The following TXK variants were observed in gnomAD, a reference collection of about 807,000 sequenced individuals.
TXK encodes tyrosine-protein kinase TXK.
A neutral mutation model predicts 81.0 loss-of-function variants in TXK; 60 were observed. That is an observed-to-expected ratio of 0.74 (90% confidence interval 0.60 to 0.92). The LOEUF is 0.92. Among genes scored for constraint, TXK ranks in the 40% least tolerant of loss-of-function variants. The pLI is 0.00. For missense variants in TXK, 581 were observed against 638.3 expected, an observed-to-expected ratio of 0.91 and a Z score of 0.97; for synonymous variants, 203 against 210.7, an observed-to-expected ratio of 0.96 and a Z score of 0.32.
Position 48,076,390 on chromosome 4 carries a change from C to A in TXK, c.1238+12G>T. 1.9e-6 allele frequency: 3 copies of A among 1,571,092 alleles called. No individual in the cohort carries two copies. The highest frequency in any genetic ancestry group is 2.6e-6 in the Non-Finnish European group (3 of 1,146,600). On this transcript the variant is annotated intron_variant, in intron 12 of 14. Transcript: ENST00000264316. ...AACAAACAAAATACATATATATATA[C>A]ATAGCATGTACCTTGTCATTCCAAA... is the stretch of plus-strand genomic sequence containing the variant.
chr4:48,082,568 G>T (rs1717348916), intron 10 of TXK, among the ~76,000 whole-genome samples: 1 of 152,056 alleles, frequency 6.6e-6, no homozygotes, highest in Non-Finnish European at 1.5e-5. Flanking sequence ...CACTGATATG[G>T]ACAGGAGACA....
intron 1 of TXK, among the ~76,000 whole-genome samples, chr4:48,132,723 A>G (rs1719276723): frequency 1.3e-5 from 2 of 151,924 alleles, no homozygotes; most frequent in African/African-American, 4.8e-5. Context: ...GCTGAGGCAA[A>G]TCACTTGAGG....
chr4:48,097,351 A>G (rs9715217), intron 6 of TXK, among the ~76,000 whole-genome samples: 1 of 152,154 alleles, frequency 6.6e-6, no homozygotes, highest in Non-Finnish European at 1.5e-5. Flanking sequence ...TCAAAATTGA[A>G]TGCAGAAGAG....
chr4:48,130,640 C>T (rs983558276), intron 1 of TXK, among the ~76,000 whole-genome samples: 11 of 152,190 alleles, frequency 7.2e-5, no homozygotes, highest in African/African-American at 1.2e-4. Flanking sequence ...AGGAGGACTG[C>T]CTAAGGGCGT....
chr4:48,111,374 T>C (rs60251898), intron 4 of TXK, among the ~76,000 whole-genome samples: 43,878 of 152,140 alleles, frequency 0.29, 7,496 homozygotes, highest in Admixed American at 0.4. Flanking sequence ...AAATGGATAA[T>C]AGTATTTACT....
chr4:48,082,270 T>C (rs1258458128), intron 10 of TXK, among the ~76,000 whole-genome samples: 3 of 152,212 alleles, frequency 2.0e-5, no homozygotes, highest in Admixed American at 6.5e-5. Flanking sequence ...CAGGCCACGA[T>C]GGGAAGAGGG....
At chr4:48,134,052 C>T in intron 1 of TXK, 103 bp downstream of exon 1, 1 of 1,297,694 alleles carries the variant, frequency 7.7e-7, no homozygotes, top group Non-Finnish European at 1.1e-6. Flanking sequence ...TTTTAATGTC[C>T]CCAAGCTCTA....
chr4:48,119,461 C>G (rs1038468514), intron 1 of TXK, among the ~76,000 whole-genome samples: 2 of 152,138 alleles, frequency 1.3e-5, no homozygotes, highest in African/African-American at 4.8e-5. Flanking sequence ...ACATACAGTT[C>G]AAGTCCAAGC....
chr4:48,077,476 T>C (rs1178529337), intron 11 of TXK, among the ~76,000 whole-genome samples: 1 of 149,814 alleles, frequency 6.7e-6, no homozygotes, highest in Non-Finnish European at 1.5e-5. Context: ...TTAAGTAGCA[T>C]ATAGGGAGAT....
chr4:48,096,824 C>T (rs1215047277), intron 6 of TXK, among the ~76,000 whole-genome samples: 2 of 152,090 alleles, frequency 1.3e-5, no homozygotes, highest in Non-Finnish European at 2.9e-5. Flanking sequence ...CCACCATGCC[C>T]GGCCTTTTAA....
chr4:48,075,626 G>A (rs185223089), intron 12 of TXK, among the ~76,000 whole-genome samples: 7 of 152,066 alleles, frequency 4.6e-5, no homozygotes, highest in Non-Finnish European at 8.8e-5. Flanking sequence ...CTCCAGCCTG[G>A]GTGACAGAGT....
At chr4:48,130,239 T>C (rs1480515085) in intron 1 of TXK, among the ~76,000 whole-genome samples, 16 of 152,186 alleles carry the variant, frequency 1.1e-4, no homozygotes, top group Admixed American at 9.2e-4. Context: ...TTATCTATTG[T>C]TGGAAACAAA....
chr4:48,068,251 C>T (rs572697481), intron 14 of TXK, among the ~76,000 whole-genome samples: 1 of 152,176 alleles, frequency 6.6e-6, no homozygotes, highest in Non-Finnish European at 1.5e-5. Flanking sequence ...GACACCACGA[C>T]CCTAGAGATA....
chr4:48,129,716 A>T (rs1719192252), intron 1 of TXK, among the ~76,000 whole-genome samples: 1 of 152,060 alleles, frequency 6.6e-6, no homozygotes, highest in Non-Finnish European at 1.5e-5. Context: ...CTATGAGGCA[A>T]TTTTTCTTTC....
At chr4:48,084,092 T>TTG (rs958582395) in intron 10 of TXK, among the ~76,000 whole-genome samples, 10 of 151,310 alleles carry the variant, frequency 6.6e-5, no homozygotes, top group Admixed American at 1.3e-4. Context: ...AATCAGGGAT[T>TTG]TGTGTGTGTG....
At chr4:48,075,374 C>A (rs980754737) in intron 12 of TXK, among the ~76,000 whole-genome samples, 1 of 152,020 alleles carries the variant, frequency 6.6e-6, no homozygotes. Context: ...GAACGCCGGC[C>A]AGGTGAGACT....
At chr4:48,101,042 T>C (rs1201033117) in intron 6 of TXK, among the ~76,000 whole-genome samples, 1 of 152,114 alleles carries the variant, frequency 6.6e-6, no homozygotes, top group African/African-American at 2.4e-5. Context: ...AATAAACTAA[T>C]AGTAGTTTTT....
chr4:48,082,209 G>A (rs1397272448), intron 10 of TXK, among the ~76,000 whole-genome samples: 1 of 152,128 alleles, frequency 6.6e-6, no homozygotes, highest in Non-Finnish European at 1.5e-5. Flanking sequence ...CATCTGAATG[G>A]ACTCTTCCTC....
At chr4:48,069,768 TC>T (rs1364176349) in intron 14 of TXK, among the ~76,000 whole-genome samples, 65 of 152,234 alleles carry the variant, frequency 4.3e-4, no homozygotes, top group Non-Finnish European at 6.9e-4. Flanking sequence ...CTTCTATGTC[TC>T]AGTTCCACTT....
Sources: gnomAD v4.1 joint callset for allele counts (sites outside exome capture counted in the v4.1 genomes callset) on GRCh38, gnomAD v4.1.1 for gene constraint, MANE v1.5 for transcripts, NCBI Gene and HGNC (gene_info 2026-07-23, HGNC 2026-07-21) for gene names.